The following LOC128092253 variants were observed in gnomAD, a reference collection of about 807,000 sequenced individuals.
the LOC128092253 span, among the ~76,000 whole-genome samples, chr6:133,968,284 A>G: frequency 1.3e-4 from 20 of 152,180 alleles, no homozygotes; most frequent in African/African-American, 4.3e-4. Context: ...ATGACATGCT[A>G]TCTTCCTTAA....
the LOC128092253 span, among the ~76,000 whole-genome samples, chr6:133,970,577 A>G: frequency 1.3e-5 from 2 of 151,626 alleles, no homozygotes; most frequent in African/African-American, 2.4e-5. Flanking sequence ...GAACACTCAT[A>G]TATCTGTCAC....
At chr6:133,973,127 GAC>G in the LOC128092253 span, among the ~76,000 whole-genome samples, 3 of 152,210 alleles carry the variant, frequency 2.0e-5, no homozygotes, top group Non-Finnish European at 2.9e-5. Context: ...TTGGGATTGG[GAC>G]ACAAAATGTC....
the LOC128092253 span, among the ~76,000 whole-genome samples, chr6:133,978,467 C>A: frequency 6.6e-6 from 1 of 152,272 alleles, no homozygotes; most frequent in Admixed American, 6.5e-5. Context: ...GTGCTTAAGA[C>A]CAATGGTAAT....
chr6:133,979,436 G>T, the LOC128092253 span, among the ~76,000 whole-genome samples: 1 of 152,128 alleles, frequency 6.6e-6, no homozygotes, highest in African/African-American at 2.4e-5. Context: ...ACCCTTGAAC[G>T]TGGTGCATTT....
the LOC128092253 span, among the ~76,000 whole-genome samples, chr6:133,973,218 G>C: frequency 6.6e-6 from 1 of 152,146 alleles, no homozygotes; most frequent in African/African-American, 2.4e-5. Flanking sequence ...TTTTAGAAAA[G>C]AGCTATCTCT....
At chr6:133,971,020 CAG>C in the LOC128092253 span, among the ~76,000 whole-genome samples, 1 of 152,144 alleles carries the variant, frequency 6.6e-6, no homozygotes, top group Admixed American at 6.5e-5. Context: ...TACTGTGCAA[CAG>C]AACACCATAA....
the LOC128092253 span, among the ~76,000 whole-genome samples, chr6:133,971,575 A>G: frequency 2.0e-5 from 2 of 99,314 alleles, no homozygotes; most frequent in South Asian, 2.4e-4. Flanking sequence ...TCACCAATAC[A>G]TAGGTGTTGT....
At chr6:133,962,464 A>G in the LOC128092253 span, among the ~76,000 whole-genome samples, 2 of 152,148 alleles carry the variant, frequency 1.3e-5, no homozygotes, top group Admixed American at 6.5e-5. Context: ...GAGATGAAGG[A>G]TGATTCTGAA....
the LOC128092253 span, among the ~76,000 whole-genome samples, chr6:133,968,011 C>CTT: frequency 4.4e-5 from 6 of 136,080 alleles, no homozygotes; most frequent in Admixed American, 7.3e-5. Flanking sequence ...TGACTATTTT[C>CTT]TTTTTTTTTT....
the LOC128092253 span, among the ~76,000 whole-genome samples, chr6:133,962,029 C>T: frequency 3.9e-5 from 6 of 151,966 alleles, no homozygotes; most frequent in South Asian, 2.1e-4. Flanking sequence ...TGCAATTATG[C>T]GTAAAAGTTT....
chr6:133,972,476 C>G, the LOC128092253 span, among the ~76,000 whole-genome samples: 1 of 152,196 alleles, frequency 6.6e-6, no homozygotes, highest in African/African-American at 2.4e-5. Context: ...GTCCAGTAAT[C>G]AGCAAACTTT....
the LOC128092253 span, among the ~76,000 whole-genome samples, chr6:133,955,243 G>C: frequency 6.7e-6 from 1 of 148,462 alleles, no homozygotes; most frequent in Non-Finnish European, 1.5e-5. Flanking sequence ...CTAGTTTGCC[G>C]TTGTCTGTCT....
At chr6:133,967,723 A>G in the LOC128092253 span, among the ~76,000 whole-genome samples, 8 of 152,312 alleles carry the variant, frequency 5.3e-5, no homozygotes, top group East Asian at 9.6e-4. Context: ...TTATAATATT[A>G]TGGACCCCTG....
the LOC128092253 span, among the ~76,000 whole-genome samples, chr6:133,975,116 C>G: frequency 6.6e-6 from 1 of 151,968 alleles, no homozygotes; most frequent in African/African-American, 2.4e-5. Context: ...AAAAAATTCA[C>G]TAGAGAGGAT....
the LOC128092253 span, among the ~76,000 whole-genome samples, chr6:133,970,152 C>T: frequency 6.6e-6 from 1 of 152,176 alleles, no homozygotes; most frequent in Non-Finnish European, 1.5e-5. Context: ...TTTCATGTGA[C>T]CTCAATTGAC....
At chr6:133,970,615 T>C in the LOC128092253 span, among the ~76,000 whole-genome samples, 1 of 141,706 alleles carries the variant, frequency 7.1e-6, no homozygotes, top group African/African-American at 2.7e-5. Context: ...TTGTTTTTGC[T>C]TTTTTTTTTT....
chr6:133,977,215 T>C, the LOC128092253 span, among the ~76,000 whole-genome samples: 1 of 152,192 alleles, frequency 6.6e-6, no homozygotes, highest in South Asian at 2.1e-4. Flanking sequence ...ACTTTTTATA[T>C]TGCATCTTTA....
the LOC128092253 span, among the ~76,000 whole-genome samples, chr6:133,979,191 A>T: frequency 6.6e-6 from 1 of 152,234 alleles, no homozygotes; most frequent in African/African-American, 2.4e-5. Flanking sequence ...ACTTTGCCTT[A>T]ATCATTTTTT....
At chr6:133,968,268 C>T in the LOC128092253 span, among the ~76,000 whole-genome samples, 4 of 152,090 alleles carry the variant, frequency 2.6e-5, no homozygotes, top group Non-Finnish European at 5.9e-5. Flanking sequence ...CTTATATAAT[C>T]AGAAAATGAC....
Sources: gnomAD v4.1 joint callset for allele counts (sites outside exome capture counted in the v4.1 genomes callset) on GRCh38, gnomAD v4.1.1 for gene constraint, MANE v1.5 for transcripts.